CNOT1: variants seen among roughly 807,000 people sequenced by gnomAD.
CNOT1 encodes CCR4-NOT transcription complex subunit 1.
CNOT1 carries 15 observed loss-of-function variants against 273.8 expected under a neutral mutation model. That is an observed-to-expected ratio of 0.05 (90% CI 0.04 to 0.08). The LOEUF (loss-of-function observed/expected upper bound fraction) is 0.08, where lower values mean the gene tolerates loss of function less well. Among genes scored for constraint, CNOT1 ranks in the 10% least tolerant of loss-of-function variants. CNOT1 has a pLI of 1.00. For synonymous variants in CNOT1, 1,022 were observed against 1,005.5 expected (o/e 1.02, Z -0.31); for missense variants, 1,644 against 2,912.2 (o/e 0.56, Z 10.02).
chr16:58,548,877 C>T (rs1029042071), intron 25 of CNOT1, among the ~76,000 whole-genome samples: 5 of 152,138 alleles, frequency 3.3e-5, no homozygotes, highest in Non-Finnish European at 5.9e-5. Flanking sequence ...AAGATACAAA[C>T]GAAAACATTC....
intron 40 of CNOT1, 103 bp from the exon 41 acceptor site, chr16:58,532,498 G>A: frequency 6.7e-7 from 1 of 1,496,322 alleles, no homozygotes; most frequent in Non-Finnish European, 8.9e-7. Flanking sequence ...CAACATTAAA[G>A]GAAAGCATAT....
At chr16:58,621,558 C>A (rs1339678007) in intron 1 of CNOT1, among the ~76,000 whole-genome samples, 2 of 151,008 alleles carry the variant, frequency 1.3e-5, no homozygotes, top group Non-Finnish European at 2.9e-5. Flanking sequence ...CAGGCATGAG[C>A]CACCACGCCT....
At chr16:58,622,848 C>CAAA (rs11372225) in intron 1 of CNOT1, among the ~76,000 whole-genome samples, 3 of 104,452 alleles carry the variant, frequency 2.9e-5, no homozygotes, top group Admixed American at 2.0e-4. Context: ...ACTCTTGACC[C>CAAA]AAAAAAAAAA....
intron 16 of CNOT1, among the ~76,000 whole-genome samples, chr16:58,566,328 T>C (rs1005669207): frequency 5.9e-5 from 9 of 152,268 alleles, no homozygotes; most frequent in Admixed American, 4.6e-4. Flanking sequence ...TGGCATTTAT[T>C]ATCATCAGTA....
At chr16:58,585,265 G>C in intron 8 of CNOT1, 73 bp downstream of exon 8, 1 of 1,579,776 alleles carries the variant, frequency 6.3e-7, no homozygotes, top group Non-Finnish European at 8.6e-7. Context: ...AGGAATTTTA[G>C]AGACTTTTTT....
chr16:58,537,254 C>G, intron 38 of CNOT1, 34 bp from the exon 39 acceptor site: 1 of 1,544,212 alleles, frequency 6.5e-7, no homozygotes, highest in African/African-American at 1.4e-5. Context: ...AAATCAGTCT[C>G]CTCGTAGTTG....
intron 18 of CNOT1, 21 bp from the exon 19 acceptor site, chr16:58,557,014 C>A: frequency 1.2e-6 from 2 of 1,609,250 alleles, no homozygotes; most frequent in Non-Finnish European, 1.7e-6. Flanking sequence ...CGAAGGCAGC[C>A]ACAAATCCTA....
intron 21 of CNOT1, 22 bp downstream of exon 21, chr16:58,555,229 C>T (rs1281734717): frequency 6.2e-7 from 1 of 1,610,658 alleles, no homozygotes; most frequent in Admixed American, 1.7e-5. Context: ...AGAGATCCTT[C>T]ACAGGAAACC....
chr16:58,607,557 T>C (rs774951156), intron 1 of CNOT1, among the ~76,000 whole-genome samples: 4 of 151,456 alleles, frequency 2.6e-5, no homozygotes, highest in Non-Finnish European at 4.4e-5. Context: ...AGAAACCCCA[T>C]CACTACTAAA....
At chr16:58,611,625 A>T (rs1375274071) in intron 1 of CNOT1, among the ~76,000 whole-genome samples, 1 of 152,074 alleles carries the variant, frequency 6.6e-6, no homozygotes, top group African/African-American at 2.4e-5. Context: ...GTTCGAGACC[A>T]GCCTGGCCAA....
At chr16:58,571,751 G>A (rs1012636759) in intron 16 of CNOT1, among the ~76,000 whole-genome samples, 4 of 152,186 alleles carry the variant, frequency 2.6e-5, no homozygotes, top group Admixed American at 2.0e-4. Context: ...GCTGAGGCGA[G>A]TGGATCACTT....
intron 1 of CNOT1, among the ~76,000 whole-genome samples, chr16:58,601,819 T>C (rs1029140794): frequency 1.0e-4 from 15 of 147,360 alleles, no homozygotes; most frequent in South Asian, 6.5e-4. Context: ...GGAGGATCGC[T>C]TGAACCCAGG....
intron 30 of CNOT1, 121 bp from the exon 31 acceptor site, chr16:58,544,024 A>C (rs2040176400): frequency 7.0e-7 from 1 of 1,425,364 alleles, no homozygotes; most frequent in Non-Finnish European, 9.2e-7. Context: ...GTTTCTACTT[A>C]AAGTTAACCA....
At chr16:58,561,110 AG>A (rs2040824724) in intron 16 of CNOT1, among the ~76,000 whole-genome samples, 1 of 152,208 alleles carries the variant, frequency 6.6e-6, no homozygotes, top group Non-Finnish European at 1.5e-5. Context: ...GATAGAGCCC[AG>A]GAGTTCGAGG....
At chr16:58,607,022 A>G (rs1263337810) in intron 1 of CNOT1, among the ~76,000 whole-genome samples, 1 of 152,166 alleles carries the variant, frequency 6.6e-6, no homozygotes, top group Non-Finnish European at 1.5e-5. Context: ...AAACAGAACC[A>G]AGAGTAGCTG....
chr16:58,525,068 G>T, intron 46 of CNOT1, 111 bp downstream of exon 46: 1 of 988,364 alleles, frequency 1.0e-6, no homozygotes, highest in Non-Finnish European at 1.6e-6. Flanking sequence ...TAAATATACT[G>T]ACAGAACATT....
intron 16 of CNOT1, among the ~76,000 whole-genome samples, chr16:58,560,919 G>A (rs570441596): frequency 2.4e-4 from 37 of 152,256 alleles, no homozygotes; most frequent in African/African-American, 8.9e-4. Context: ...CAGCTACTCG[G>A]GAGGCTGAGG....
chr16:58,612,156 G>A (rs1376374368), intron 1 of CNOT1, among the ~76,000 whole-genome samples: 1 of 152,124 alleles, frequency 6.6e-6, no homozygotes, highest in Non-Finnish European at 1.5e-5. Flanking sequence ...TCTAAAGGCA[G>A]TTTGGTTTCC....
Position 58,542,217 on chromosome 16 carries a change from G to A in CNOT1, c.4680+14C>T, listed in dbSNP as rs1383680255. On this transcript the variant is annotated intron_variant, in intron 33 of 48. Transcript: ENST00000317147. ...CAAAGATGGGACGGGGAAAGACAGA[G>A]CCCCAATTCTCACTTTCAGCCTGAT... is the stretch of plus-strand genomic sequence containing the variant. 1.2e-6 allele frequency: 2 copies of A among 1,612,746 alleles called. No homozygotes were observed. Among genetic ancestry groups the A allele is most frequent in the East Asian group, 2.2e-5 (1 of 44,884 alleles).
Sources: allele counts gnomAD v4.1 joint callset (sites outside exome capture counted in the v4.1 genomes callset), GRCh38; gene constraint gnomAD v4.1.1; transcripts MANE v1.5; gene names NCBI Gene and HGNC (gene_info 2026-07-23, HGNC 2026-07-21).